Variants in LIMS2 observed in about 807,000 individuals in gnomAD.
LIMS2 encodes LIM and senescent cell antigen-like-containing domain protein 2.
In LIMS2, 30 loss-of-function variants were observed where a neutral mutation model predicts 45.3. That is an observed-to-expected ratio of 0.66 (90% CI 0.50 to 0.90). LIMS2 has a LOEUF of 0.90. Ranked by LOEUF, LIMS2 falls within the 40% of genes least tolerant of loss-of-function variation. The pLI, the probability that LIMS2 is intolerant of heterozygous loss-of-function variation, is 0.00. For missense variants in LIMS2, 485 were observed against 468.7 expected (o/e 1.03, Z -0.32); for synonymous variants, 173 against 188.0 (o/e 0.92, Z 0.65).
intron 4 of LIMS2, chr2:127,650,418 C>T (rs754965901): frequency 5.6e-6 from 3 of 540,398 alleles, no homozygotes; most frequent in Non-Finnish European, 9.8e-6. Flanking sequence ...CGCCATGGCA[C>T]TGACCCGGTC....
Position 127,664,343 on chromosome 2 carries a change from G to C in LIMS2, c.12-6781C>G. On this transcript the variant is annotated intron_variant, in intron 1 of 9. Transcript: ENST00000355119. The surrounding 1 kb of genome is among the most constrained non-coding windows in gnomAD (Gnocchi z 5.5). ...GGCGGGCTCTGCCGGTGCTGGCGCC[G>C]CCGGTACAGCCCCGACGCGGCCAGC... The C allele has an allele frequency of 3.3e-6, 4 of 1,227,784 alleles. No individual in the cohort carries two copies. The highest frequency in any genetic ancestry group is 1.6e-5 in the African/African-American group (1 of 63,902). The allele number at this position is 1,227,784 out of a possible 1,614,324, so 76.1% of individuals were successfully genotyped here.
Position 127,654,558 on chromosome 2 carries a change from G to A in LIMS2, c.239-14C>T, listed in dbSNP as rs1328423682. 3.1e-6 allele frequency: 5 copies of A among 1,614,094 alleles called. No homozygotes were observed. The Admixed American group carries it at 5.0e-5, about 16-fold the overall frequency. On this transcript the variant is annotated splice_polypyrimidine_tract_variant and intron_variant, in intron 3 of 9. Transcript: ENST00000355119. ...TGATGAACTCACCTGGAAGAAGACA[G>A]GTCCCTGCTGGCTGGGGAGCACGTG...
intron 1 of LIMS2, among the ~76,000 whole-genome samples, chr2:127,669,416 A>G (rs910492142): frequency 3.3e-5 from 5 of 152,226 alleles, no homozygotes; most frequent in Non-Finnish European, 7.3e-5. Flanking sequence ...AGAAAAGGAA[A>G]AAATATTTGT....
At position 127,672,534 on chromosome 2, in the gene LIMS2, G is replaced by A. The variant is rs555063823; in HGVS notation, c.11+2480C>T. 2.4e-3 allele frequency among the ~76,000 whole-genome samples: 372 copies of A among 152,124 alleles called. 1 individual carries two copies. The highest frequency in any genetic ancestry group is 8.6e-3 in the African/African-American group (357 of 41,504). On this transcript the variant is annotated intron_variant, in intron 1 of 9. Transcript: ENST00000355119. The surrounding 1 kb of genome is among the most constrained non-coding windows in gnomAD (Gnocchi z 4.9). ...GTCATCACAGGAGGGGCATCCTCCC[G>A]AGCCCCACCCTCTGTGGCCCACCTC... is the stretch of plus-strand genomic sequence containing the variant.
chr2:127,652,983 T>C (rs745972543), intron 4 of LIMS2, among the ~76,000 whole-genome samples: 5 of 152,156 alleles, frequency 3.3e-5, no homozygotes, highest in East Asian at 1.9e-4. Flanking sequence ...AGGAAGGAGA[T>C]TGGGCTCGCT....
At chr2:127,673,709 C>G in intron 1 of LIMS2, 1 of 1,551,544 alleles carries the variant, frequency 6.4e-7, no homozygotes, top group Non-Finnish European at 8.7e-7. Flanking sequence ...GGGGCTGCTC[C>G]GGACCCTGTT....
upstream of LIMS2, among the ~76,000 whole-genome samples, chr2:127,675,664 G>T (rs551556213): frequency 6.6e-6 from 1 of 152,138 alleles, no homozygotes; most frequent in Non-Finnish European, 1.5e-5. Flanking sequence ...CGCCCCAACC[G>T]CAAACGCGTG....
intron 1 of LIMS2, among the ~76,000 whole-genome samples, chr2:127,670,776 G>C (rs113965271): frequency 0.031 from 4,756 of 152,330 alleles, 102 homozygotes; most frequent in Non-Finnish European, 0.047. Flanking sequence ...AGTGGGCAGA[G>C]GCAGAGACGG....
intron 9 of LIMS2, 149 bp downstream of exon 9, chr2:127,639,921 T>C: frequency 2.6e-6 from 2 of 781,726 alleles, no homozygotes; most frequent in Non-Finnish European, 4.2e-6. Flanking sequence ...CCTGCCCCCA[T>C]CTCCCTGGGT....
chr2:127,666,380 TAAAC>T (rs1008243100), intron 1 of LIMS2, among the ~76,000 whole-genome samples: 2 of 143,240 alleles, frequency 1.4e-5, no homozygotes, highest in South Asian at 2.1e-4. Context: ...TGAATCTTGG[TAAAC>T]AAACAAACAA....
chr2:127,641,781 T>C, intron 6 of LIMS2: 2 of 420,644 alleles, frequency 4.8e-6, no homozygotes, highest in Non-Finnish European at 8.6e-6. Flanking sequence ...CTCCTGACCT[T>C]GGAGTCTCTT....
intron 4 of LIMS2, chr2:127,651,022 A>T: frequency 6.2e-7 from 1 of 1,613,780 alleles, no homozygotes; most frequent in Non-Finnish European, 8.5e-7. Context: ...TCTGGGAACC[A>T]CTGGCCATTT....
exon 1 of LIMS2, chr2:127,681,678 GAGAGGCCGGC>G (rs1685618753): frequency 6.6e-6 from 1 of 152,212 alleles, no homozygotes; most frequent in Non-Finnish European, 1.5e-5. Context: ...TCTGAATCCA[GAGAGGCCGGC>G]AGAGGGGCAG....
chr2:127,681,730 C>T (rs1164217329), exon 1 of LIMS2: 2 of 152,010 alleles, frequency 1.3e-5, no homozygotes, highest in African/African-American at 2.4e-5. Context: ...AAGCCCTGAG[C>T]GCAGGAGCCC....
chr2:127,663,778 C>T (rs912301768), intron 1 of LIMS2, among the ~76,000 whole-genome samples: 2 of 152,176 alleles, frequency 1.3e-5, no homozygotes, highest in African/African-American at 2.4e-5. Context: ...TTCAGGAGCT[C>T]CTCCTCATGC....
chr2:127,656,831 C>T (rs1466384963), intron 2 of LIMS2, among the ~76,000 whole-genome samples: 2 of 152,276 alleles, frequency 1.3e-5, no homozygotes, highest in African/African-American at 4.8e-5. Context: ...TGGGGCCAAG[C>T]GAGATCCACC....
At chr2:127,651,380 C>T (rs369638145) in intron 4 of LIMS2, 15 of 1,612,644 alleles carry the variant, frequency 9.3e-6, no homozygotes, top group Non-Finnish European at 1.3e-5. Flanking sequence ...ACCTGCTGAT[C>T]ATCCGCAGCC....
intron 9 of LIMS2, 88 bp from the exon 10 acceptor site, chr2:127,639,516 CCCAGCCTCCCCACA>C: frequency 3.9e-5 from 58 of 1,504,062 alleles, no homozygotes; most frequent in Middle Eastern, 1.8e-4. Context: ...TCCCTCAGCC[CCCAGCCTCCCCACA>C]CCAGCCTCTC....
upstream of LIMS2, among the ~76,000 whole-genome samples, chr2:127,678,718 A>G (rs1685553624): frequency 1.3e-5 from 2 of 151,982 alleles, no homozygotes; most frequent in Admixed American, 1.3e-4. The surrounding 1 kb of genome is among the most constrained non-coding windows in gnomAD (Gnocchi z 5.3). Context: ...CAGCCGTGGG[A>G]GTCAAGAGGA....
Sources: allele counts gnomAD v4.1 joint callset (sites outside exome capture counted in the v4.1 genomes callset), GRCh38; gene constraint gnomAD v4.1.1; non-coding constraint Gnocchi (gnomAD v3.1); transcripts MANE v1.5; gene names NCBI Gene and HGNC (gene_info 2026-07-23, HGNC 2026-07-21).